LACC1: variants seen among roughly 807,000 people sequenced by gnomAD.
The protein encoded by LACC1 is laccase domain multifunctional purine nucleosidase 1.
In LACC1, 25 loss-of-function variants were observed where a neutral mutation model predicts 34.8. That is an observed-to-expected ratio of 0.72 (90% confidence interval 0.52 to 1.00). The LOEUF is 1.00. Among genes scored for constraint, LACC1 ranks in the 50% least tolerant of loss-of-function variants. The pLI is 0.00. For synonymous variants in LACC1, 162 were observed against 168.0 expected (o/e 0.96, Z 0.28); for missense variants, 426 against 511.2 (o/e 0.83, Z 1.61).
At chr13:43,885,016 A>G (rs1340941403) in intron 4 of LACC1, among the ~76,000 whole-genome samples, 2 of 152,240 alleles carry the variant, frequency 1.3e-5, no homozygotes, top group African/African-American at 4.8e-5. Context: ...TTTTGAAAGA[A>G]TAAAATACCT....
At chr13:43,888,339 T>A (rs1457307200) in intron 4 of LACC1, among the ~76,000 whole-genome samples, 1 of 152,180 alleles carries the variant, frequency 6.6e-6, no homozygotes, top group Admixed American at 6.5e-5. Flanking sequence ...AGAGTTTCCA[T>A]TTTATCAAAT....
chr13:43,892,044 G>T lies in LACC1; in HGVS notation c.*597G>T, dbSNP rs1440225668. The T allele has an allele frequency of 1.3e-5, 2 of 151,724 alleles. No homozygotes were observed. Among genetic ancestry groups the T allele is most frequent in the East Asian group, 3.9e-4 (2 of 5,192 alleles). The allele number at this position is 151,724 out of a possible 1,614,324, so 9.4% of individuals were successfully genotyped here. ...CATGAACCAGGGCATGAAACTGAAA[G>T]TGCATAACATATTCTAGAGAGAGAA... is the stretch of plus-strand genomic sequence containing the variant. On this transcript the variant is annotated 3_prime_UTR_variant, in exon 7 of 7. Transcript: ENST00000325686.
chr13:43,888,664 A>G lies in LACC1; in HGVS notation c.908-93A>G, dbSNP rs1955439729. On this transcript the variant is annotated intron_variant, in intron 4 of 6. Coordinates refer to ENST00000325686, the MANE Select transcript of LACC1 (RefSeq NM_153218.4). ...ATTTCTGGACTTTGAAAAATATACAAACTAAATCTGCTCACTTTTAACTTA... is the reference window on the plus strand; with the variant it reads ...ATTTCTGGACTTTGAAAAATATACAGACTAAATCTGCTCACTTTTAACTTA... The G allele has an allele frequency of 3.1e-5, 30 of 972,112 alleles. No individual in the cohort carries two copies. The South Asian group carries it at 4.2e-4, about 14-fold the overall frequency. The allele number at this position is 972,112 out of a possible 1,614,324, so 60.2% of individuals were successfully genotyped here.
chr13:43,891,708 A>AAATCTATTCCT lies in LACC1; in HGVS notation c.*261_*262insAATCTATTCCT. 7.2e-6 allele frequency: 2 copies of AAATCTATTCCT among 276,340 alleles called. No homozygotes were observed. Among genetic ancestry groups the AAATCTATTCCT allele is most frequent in the Non-Finnish European group, 1.1e-5 (2 of 181,622 alleles). The allele number at this position is 276,340 out of a possible 1,614,324, so 17.1% of individuals were successfully genotyped here. On this transcript the variant is annotated 3_prime_UTR_variant, in exon 7 of 7. Transcript: ENST00000325686. ...AGTTTGTTCTCCCTGTTTATTACACAGATCAGGAATAGATTTGTTCAGTTC... is the reference window on the plus strand; with the variant it reads ...AGTTTGTTCTCCCTGTTTATTACACAAATCTATTCCTGATCAGGAATAGATTTGTTCAGTTC...
In LACC1 at chr13:43,892,245, A is replaced by G. The variant is rs1359174788; in HGVS notation, c.*798A>G. On this transcript the variant is annotated 3_prime_UTR_variant, in exon 7 of 7. Coordinates refer to ENST00000325686, the MANE Select transcript of LACC1 (RefSeq NM_153218.4). ...CATGGCATCATATTTAAGAGGATGG[A>G]TTTAAATTGTGTGAGACCAAAGCAT... The G allele has an allele frequency of 1.3e-5, 2 of 148,256 alleles. No individual in the cohort carries two copies. Among genetic ancestry groups the G allele is most frequent in the South Asian group, 2.1e-4 (1 of 4,730 alleles). The allele number at this position is 148,256 out of a possible 1,614,324, so 9.2% of individuals were successfully genotyped here. A position where few individuals can be genotyped will look rare whatever the true frequency, so the allele number is the denominator to read the frequency against.
In LACC1 at chr13:43,890,279, A is replaced by G; in HGVS notation, c.*1+5A>G. ...TCATATCAATTAAAGAATGAGGTAC[A>G]GTAGGTTTTCTCTCCTCTCTCCGTT... is the stretch of plus-strand genomic sequence containing the variant. On this transcript the variant is annotated splice_donor_5th_base_variant and intron_variant, in intron 6 of 6. Transcript: ENST00000325686. 1.9e-6 allele frequency: 3 copies of G among 1,609,812 alleles called. No individual in the cohort carries two copies. The highest frequency in any genetic ancestry group is 1.7e-6 in the Non-Finnish European group (2 of 1,177,740).
Position 43,890,164 on chromosome 13 carries a change from ACC to A in LACC1, c.1185_1186del (p.Asn395LysfsTer12). On this transcript the variant is annotated frameshift_variant, in exon 6 of 7. Coordinates refer to ENST00000325686, the MANE Select transcript of LACC1 (RefSeq NM_153218.4). LOFTEE classifies it high-confidence loss of function. ...CTTCCACAGAATATTCAGGACCAGA[ACC>A]AAGATCTCAACCTCTGTACATCTTG... 1 of 1,613,672 alleles carries A rather than the reference ACC, an allele frequency of 6.2e-7. No individual in the cohort carries two copies. The highest frequency in any genetic ancestry group is 2.2e-5 in the East Asian group (1 of 44,842).
chr13:43,893,431 A>C lies in LACC1; in HGVS notation c.*1984A>C, dbSNP rs1319768825. 6.6e-6 allele frequency: 1 copy of C among 151,974 alleles called. No homozygotes were observed. The allele number at this position is 151,974 out of a possible 1,614,324, so 9.4% of individuals were successfully genotyped here. The stretch of plus-strand genomic sequence containing the variant: ...TTAAAGGGATCTTCATTATACTTTT[A>C]TTGTTAACTTTTTGTTAACATAATT... On this transcript the variant is annotated 3_prime_UTR_variant, in exon 7 of 7. Transcript: ENST00000325686.
chr13:43,890,428 A>G (rs1218550490), intron 6 of LACC1, among the ~76,000 whole-genome samples, 154 bp downstream of exon 6: 1 of 151,970 alleles, frequency 6.6e-6, no homozygotes, highest in Non-Finnish European at 1.5e-5. Flanking sequence ...CTTTATTCCT[A>G]CAGGGAGAAT....
intron 5 of LACC1, 29 bp from the exon 6 acceptor site, chr13:43,890,085 G>A (rs1021536392): frequency 6.3e-7 from 1 of 1,575,814 alleles, no homozygotes; most frequent in Admixed American, 1.8e-5. Flanking sequence ...ATAAACTCTT[G>A]CTCTCTTTTG....
At chr13:43,885,412 T>C (rs983497661) in intron 4 of LACC1, among the ~76,000 whole-genome samples, 5 of 152,016 alleles carry the variant, frequency 3.3e-5, no homozygotes, top group African/African-American at 1.2e-4. Context: ...AACTGACACA[T>C]AGGCCAATAG....
In LACC1 at chr13:43,890,159, C is replaced by A. The variant is rs967175926; in HGVS notation, c.1179C>A (p.Asp393Glu). 4 of 1,613,218 alleles carry A rather than the reference C, an allele frequency of 2.5e-6. No homozygotes were observed. The African/African-American group carries it at 5.3e-5, about 22-fold the overall frequency. ...GAATTCTTCCACAGAATATTCAGGACCAGAACCAAGATCTCAACCTCTGTA... is the reference window on the plus strand; with the variant it reads ...GAATTCTTCCACAGAATATTCAGGAACAGAACCAAGATCTCAACCTCTGTA... ...QGGILPQNIQ[D>E]QNQDLNLCTS... The change falls in exon 6 of 7, where the codon GAC (aspartate) becomes GAA (glutamate). Residue 393 changes from aspartate to glutamate, a missense_variant. Coordinates refer to ENST00000325686, the MANE Select transcript of LACC1 (RefSeq NM_153218.4).
rs146588292 is a variant in LACC1, at chr13:43,884,323, A to G, written c.907+387A>G. On this transcript the variant is annotated intron_variant, in intron 4 of 6. Coordinates refer to ENST00000325686, the MANE Select transcript of LACC1 (RefSeq NM_153218.4). The stretch of plus-strand genomic sequence containing the variant: ...TCTAGTTACTGTAATAACCAAGACC[A>G]ACCAACCAACCAATCAAACAACAAC... 6.6e-5 allele frequency among the ~76,000 whole-genome samples: 10 copies of G among 152,280 alleles called. No homozygotes were observed. In the East Asian group the frequency reaches 1.9e-3, roughly 29 times the overall value.
chr13:43,885,110 T>C (rs995892242), intron 4 of LACC1, among the ~76,000 whole-genome samples: 1 of 152,048 alleles, frequency 6.6e-6, no homozygotes, highest in Non-Finnish European at 1.5e-5. Flanking sequence ...GCAGAGATAA[T>C]ATAAACAAAT....
Position 43,882,311 on chromosome 13 carries a change from G to A in LACC1, c.689G>A (p.Arg230His), listed in dbSNP as rs138278706. 34 of 1,613,890 alleles carry A rather than the reference G, an allele frequency of 2.1e-5. No individual in the cohort carries two copies. In the African/African-American group the frequency reaches 2.3e-4, roughly 11 times the overall value. ...AAGGTAGTGGTTCAAGAAAATCTGC[G>A]TAGGTTGGCGAATGCTGCAGGATTT... is the stretch of plus-strand genomic sequence containing the variant. ...DPKVVVQENL[R>H]RLANAAGFNV... Residue 230 changes from arginine to histidine, a missense_variant, in exon 3 of 7, where the codon CGT (arginine) becomes CAT (histidine). Arg to His is a conservative substitution (Grantham distance 29, BLOSUM62 0). This residue lies in a region of LACC1 where 209 missense variants were observed against 300.3 expected (regional missense o/e 0.70). Coordinates refer to ENST00000325686, the MANE Select transcript of LACC1 (RefSeq NM_153218.4).
Position 43,888,900 on chromosome 13 carries a change from G to A in LACC1, c.1051G>A (p.Glu351Lys), listed in dbSNP as rs747106621. ...CCFTLPRESA[E>K]AFHNLHPACV... is the part of the protein sequence containing the mutation. ...TTTTACTCTTCCAAGGGAATCAGCA[G>A]AGGCATTTCATAATCTTCATCCTGC... Residue 351 changes from glutamate to lysine, a missense_variant, in exon 5 of 7, where the codon GAG (glutamate) becomes AAG (lysine). Around this residue, in one of 2 missense-constraint regions of LACC1, gnomAD observed 209 missense variants for 300.3 expected, o/e 0.70. Transcript: ENST00000325686. 63 of 1,613,910 alleles carry A rather than the reference G, an allele frequency of 3.9e-5. 1 individual carries two copies. The Middle Eastern group carries it at 1.3e-3, about 34-fold the overall frequency.
Position 43,888,844 on chromosome 13 carries a change from T to C in LACC1, c.995T>C (p.Val332Ala). Reference protein sequence around the residue: ...EYGCSLEDIVVVLGPSVGPCC... With the variant: ...EYGCSLEDIVAVLGPSVGPCC... ...GGCTGCAGTTTGGAAGACATTGTTG[T>C]TGTACTTGGACCTTCAGTAGGACCT... The change falls in exon 5 of 7, where the codon GTT becomes GCT. Residue 332 changes from valine (V) to alanine (A), a missense_variant. This residue lies in a region of LACC1 where 209 missense variants were observed against 300.3 expected (regional missense o/e 0.70). Transcript: ENST00000325686. 1 of 1,613,924 alleles carries C rather than the reference T, an allele frequency of 6.2e-7. No individual in the cohort carries two copies. The highest frequency in any genetic ancestry group is 1.3e-5 in the African/African-American group (1 of 75,036).
At chr13:43,881,613 T>C in intron 2 of LACC1, 66 bp downstream of exon 2, 1 of 1,199,420 alleles carries the variant, frequency 8.3e-7, no homozygotes, top group South Asian at 1.5e-5. Context: ...TCAGAGGTAG[T>C]TCACCTCTTT....
rs17065175 is a variant in LACC1 at position 43,890,068 on chromosome 13, T to G, written c.1134-46T>G. ...CTTTTTTTCATATTGCTTTGGCTATTGGGAAAATAAACTCTTGCTCTCTTT... is the reference window on the plus strand; with the variant it reads ...CTTTTTTTCATATTGCTTTGGCTATGGGGAAAATAAACTCTTGCTCTCTTT... On this transcript the variant is annotated intron_variant, in intron 5 of 6. Transcript: ENST00000325686. 3.4e-3 allele frequency: 5,229 copies of G among 1,530,674 alleles called. 120 individuals are homozygous for G. In the African/African-American group the frequency reaches 0.051, roughly 15 times the overall value. 94.8% of individuals were successfully genotyped at this position (1,530,674 alleles called of 1,614,324 possible).
Sources: gnomAD v4.1 joint callset for allele counts (sites outside exome capture counted in the v4.1 genomes callset) on GRCh38, gnomAD v4.1.1 for gene constraint, gnomAD v4.1.1 regional missense constraint, MANE v1.5 for transcripts, NCBI Gene and HGNC (gene_info 2026-07-23, HGNC 2026-07-21) for gene names.